Variants in CHL1 observed in about 807,000 individuals in gnomAD.
CHL1 encodes neural cell adhesion molecule L1-like protein.
A neutral mutation model predicts 141.9 loss-of-function variants in CHL1; 96 were observed. The ratio of observed to expected loss-of-function variants is 0.68; its 90% CI spans 0.57 to 0.80. The LOEUF is 0.80. Ranked by LOEUF, CHL1 falls within the 30% of genes least tolerant of loss-of-function variation. CHL1 has a pLI of 0.00. For synonymous variants in CHL1, 613 were observed against 502.2 expected, an observed-to-expected ratio of 1.22 and a Z score of -2.95; for missense variants, 1,820 against 1,457.2, an observed-to-expected ratio of 1.25 and a Z score of -4.05.
chr3:209,108 GA>G (rs1196421972), intron 1 of CHL1, among the ~76,000 whole-genome samples: 2 of 152,158 alleles, frequency 1.3e-5, no homozygotes, highest in Non-Finnish European at 2.9e-5. Context: ...TTGAACAAAA[GA>G]AGCCTCAAAG....
chr3:383,965 G>A (rs1205103185), intron 19 of CHL1, 79 bp downstream of exon 19: 12 of 876,962 alleles, frequency 1.4e-5, no homozygotes, highest in Non-Finnish European at 2.2e-5. Flanking sequence ...TACAATGATA[G>A]CACAACATTT....
rs75354244 is a variant in CHL1, at chr3:218,475, C to G, written c.-175+21412C>G. 3.3e-3 allele frequency among the ~76,000 whole-genome samples: 503 copies of G among 152,210 alleles called. 2 individuals carry two copies. Among genetic ancestry groups the G allele is most frequent in the Non-Finnish European group, 6.1e-3 (415 of 68,016 alleles). On this transcript the variant is annotated intron_variant, in intron 1 of 27. Coordinates refer to ENST00000256509, the MANE Select transcript of CHL1 (RefSeq NM_006614.4). ...TCAAGTCAGTAGAGAAGATGTTACC[C>G]ACATCCTCTTTTCCAAAGAAGGAAT...
At chr3:391,967 T>G (rs886833373) in intron 23 of CHL1, among the ~76,000 whole-genome samples, 170 bp downstream of exon 23, 3 of 152,246 alleles carry the variant, frequency 2.0e-5, no homozygotes, top group Non-Finnish European at 2.9e-5. Context: ...AAATTCAGCC[T>G]GCTGCCTGTT....
intron 1 of CHL1, among the ~76,000 whole-genome samples, chr3:201,280 A>C (rs183854493): frequency 6.3e-4 from 96 of 152,368 alleles, no homozygotes; most frequent in Non-Finnish European, 1.0e-3. Context: ...CAGTGCACAA[A>C]TAGACCATAA....
chr3:360,370 G>A lies in CHL1; in HGVS notation c.1252G>A (p.Glu418Lys), dbSNP rs1704117926. Reference protein sequence around the residue: ...QPNHTAVYQCEASNVHGTILA... With the variant: ...QPNHTAVYQCKASNVHGTILA... ...AAATCATACTGCTGTGTACCAGTGT[G>A]AAGCCTCAAATGTCCATGGAACTAT... The change falls in exon 12 of 28, where the codon GAA (glutamate) becomes AAA (lysine). Residue 418 changes from glutamate to lysine, a missense_variant. Glu to Lys is a moderately conservative substitution (Grantham distance 56). Transcript: ENST00000256509. 6.2e-7 allele frequency: 1 copy of A among 1,613,872 alleles called. No individual in the cohort carries two copies. Among genetic ancestry groups the A allele is most frequent in the Non-Finnish European group, 8.5e-7 (1 of 1,179,862 alleles).
At chr3:375,124 C>T (rs1181586737) in intron 15 of CHL1, among the ~76,000 whole-genome samples, 2 of 152,106 alleles carry the variant, frequency 1.3e-5, no homozygotes, top group South Asian at 2.1e-4. Flanking sequence ...AATGCCCCCC[C>T]AGGAATTTTC....
At chr3:358,914 T>G (rs2125248381) in intron 11 of CHL1, among the ~76,000 whole-genome samples, 1 of 149,798 alleles carries the variant, frequency 6.7e-6, no homozygotes, top group East Asian at 1.9e-4. Flanking sequence ...TGCCCTTCCC[T>G]TGACATTTCC....
At chr3:333,431 C>A (rs1451860117) in intron 5 of CHL1, among the ~76,000 whole-genome samples, 1 of 152,046 alleles carries the variant, frequency 6.6e-6, no homozygotes, top group African/African-American at 2.4e-5. Context: ...TGTTAACAAA[C>A]AGAAACCTTT....
intron 5 of CHL1, among the ~76,000 whole-genome samples, chr3:340,397 G>A (rs927095763): frequency 9.9e-5 from 15 of 152,118 alleles, no homozygotes; most frequent in African/African-American, 3.6e-4. Context: ...CCAATAAAGC[G>A]AGAGATAGAG....
intron 1 of CHL1, among the ~76,000 whole-genome samples, chr3:233,417 G>C (rs909191883): frequency 1.3e-5 from 2 of 152,034 alleles, no homozygotes; most frequent in African/African-American, 4.8e-5. Flanking sequence ...GCTAAACTGG[G>C]TCACTTACCT....
intron 1 of CHL1, among the ~76,000 whole-genome samples, chr3:233,366 C>G (rs1187471158): frequency 1.3e-5 from 2 of 152,118 alleles, no homozygotes; most frequent in Non-Finnish European, 2.9e-5. Flanking sequence ...CTATACCAGC[C>G]CCCAACCCCA....
intron 2 of CHL1, among the ~76,000 whole-genome samples, chr3:279,413 T>A (rs1474935448): frequency 6.6e-6 from 1 of 152,198 alleles, no homozygotes; most frequent in African/African-American, 2.4e-5. Flanking sequence ...AGGTAAATGC[T>A]TCTTAGATTC....
intron 19 of CHL1, chr3:384,223 G>A (rs1316979418): frequency 1.1e-5 from 2 of 176,428 alleles, no homozygotes; most frequent in East Asian, 2.8e-4. Flanking sequence ...AATTAATTTA[G>A]TATAATCTAC....
At chr3:395,846 G>C (rs1708623913) in intron 24 of CHL1, among the ~76,000 whole-genome samples, 1 of 152,120 alleles carries the variant, frequency 6.6e-6, no homozygotes, top group Non-Finnish European at 1.5e-5. Flanking sequence ...ATCAATGAAA[G>C]AAACATCACA....
chr3:307,796 A>T (rs2124954217), intron 2 of CHL1, among the ~76,000 whole-genome samples: 1 of 152,310 alleles, frequency 6.6e-6, no homozygotes, highest in Admixed American at 6.5e-5. Flanking sequence ...TTGACTAGAG[A>T]TTTAGAAGAG....
chr3:383,971 C>A lies in CHL1; in HGVS notation c.2247+85C>A. ...CATGCTAACTACAATGATAGCACAA[C>A]ATTTTTTTAAGAACAAAGATAAGAT... On this transcript the variant is annotated intron_variant, in intron 19 of 27. Transcript: ENST00000256509. The A allele has an allele frequency of 4.8e-6, 4 of 827,802 alleles. No individual in the cohort carries two copies. The South Asian group carries it at 7.2e-5, about 15-fold the overall frequency. The allele number at this position is 827,802 out of a possible 1,614,324, so 51.3% of individuals were successfully genotyped here. A position where few individuals can be genotyped will look rare whatever the true frequency, so the allele number is the denominator to read the frequency against.
At position 238,436 on chromosome 3, in the gene CHL1, A is replaced by G. The variant is rs549483446; in HGVS notation, c.-174-6177A>G. 4.4e-4 allele frequency among the ~76,000 whole-genome samples: 67 copies of G among 152,102 alleles called. No individual in the cohort carries two copies. The South Asian group carries it at 0.013, about 30-fold the overall frequency. ...TTAAAGGAAAAAAAATAAAAAAAAT[A>G]GCCAGTTTTGATCTCAAATGCATAC... On this transcript the variant is annotated intron_variant, in intron 1 of 27. Coordinates refer to ENST00000256509, the MANE Select transcript of CHL1 (RefSeq NM_006614.4).
At chr3:242,660 C>T (rs912963772) in intron 1 of CHL1, among the ~76,000 whole-genome samples, 6 of 138,040 alleles carry the variant, frequency 4.3e-5, no homozygotes, top group Non-Finnish European at 7.9e-5. Flanking sequence ...TTACAATAAA[C>T]ACTAAGAACA....
intron 15 of CHL1, among the ~76,000 whole-genome samples, chr3:374,720 T>G (rs989448935): frequency 2.0e-5 from 3 of 152,200 alleles, no homozygotes; most frequent in Non-Finnish European, 4.4e-5. Context: ...TGGGAGTAAC[T>G]GCTGCTGGCT....
Sources: allele counts gnomAD v4.1 joint callset (sites outside exome capture counted in the v4.1 genomes callset), GRCh38; gene constraint gnomAD v4.1.1; transcripts MANE v1.5; gene names NCBI Gene and HGNC (gene_info 2026-07-23, HGNC 2026-07-21).